TLL2: variants seen among roughly 807,000 people sequenced by gnomAD.
TLL2 encodes the protein tolloid-like protein 2.
Under a neutral mutation model 123.0 loss-of-function variants are expected in TLL2, and 106 were observed. The observed-to-expected ratio is 0.86, with a 90% CI of 0.74 to 1.01. The LOEUF (loss-of-function observed/expected upper bound fraction) is 1.01. Ranked by LOEUF, TLL2 falls within the 50% of genes least tolerant of loss-of-function variation. TLL2 has a pLI of 0.00. For synonymous variants in TLL2, 494 were observed against 516.8 expected (o/e 0.96, Z 0.60); for missense variants, 1,332 against 1,336.7 (o/e 1.00, Z 0.06).
rs1361620935 is a variant in TLL2, at chr10:96,413,275, T to C, written c.965A>G (p.Asn322Ser). Reference sequence around the variant, plus strand: ...CTGGCCAATGGTTGGCCTGACGCCATTGTCATCTTGACGGGGAAGGATGGT... The same window carrying C: ...CTGGCCAATGGTTGGCCTGACGCCACTGTCATCTTGACGGGGAAGGATGGT... ...LDTILPRQDD[N>S]GVRPTIGQRV... is the part of the protein sequence containing the mutation. The change falls in exon 8 of 21, where the codon AAT becomes AGT. Residue 322 changes from asparagine (N) to serine (S), a missense_variant. By Grantham distance (46) the Asn-to-Ser change is conservative. Coordinates refer to ENST00000357947, the MANE Select transcript of TLL2 (RefSeq NM_012465.4). The C allele has an allele frequency of 1.9e-6, 3 of 1,614,116 alleles. No individual in the cohort carries two copies. Among genetic ancestry groups the C allele is most frequent in the South Asian group, 1.1e-5 (1 of 91,086 alleles).
intron 2 of TLL2, among the ~76,000 whole-genome samples, chr10:96,472,928 T>C (rs561939381): frequency 1.5e-4 from 23 of 152,292 alleles, no homozygotes; most frequent in African/African-American, 5.3e-4. Context: ...GTTCAATGCC[T>C]ACCTTTAGCC....
chr10:96,506,402 G>A lies in TLL2; in HGVS notation c.175+7109C>T, dbSNP rs183041796. Among the ~76,000 whole-genome samples, 11 of 152,016 alleles carry A rather than the reference G, an allele frequency of 7.2e-5. No individual in the cohort carries two copies. The East Asian group carries it at 2.1e-3, about 29-fold the overall frequency. The stretch of plus-strand genomic sequence containing the variant: ...TCCACAGTCTGGGGAGGGGCCAGGT[G>A]CTCAAATAACCATAGTCCAGGCTGG... On this transcript the variant is annotated intron_variant, in intron 1 of 20. Transcript: ENST00000357947.
At chr10:96,506,954 A>G (rs975128914) in intron 1 of TLL2, among the ~76,000 whole-genome samples, 2 of 152,116 alleles carry the variant, frequency 1.3e-5, no homozygotes, top group African/African-American at 4.8e-5. Context: ...CAGGGAGAAA[A>G]TCTAGGCCTG....
intron 3 of TLL2, among the ~76,000 whole-genome samples, chr10:96,442,491 T>A (rs1353711175): frequency 6.6e-6 from 1 of 152,234 alleles, no homozygotes; most frequent in East Asian, 1.9e-4. Flanking sequence ...TGCCCTCACC[T>A]CACTTCGAGA....
chr10:96,446,149 T>C lies in TLL2; in HGVS notation c.306A>G (p.Ala102=), dbSNP rs1589424452. Reference sequence around the variant, plus strand: ...CTGTGGTGTCTGGGCTGCTCTCAGATGCCTGCTCTTCAAGCCCACCTAGAG... The same window carrying C: ...CTGTGGTGTCTGGGCTGCTCTCAGACGCCTGCTCTTCAAGCCCACCTAGAG... The part of the protein sequence containing the change: ...GHSTGGLEEQ[A]SESSPDTTAM... Residue 102 remains alanine, a synonymous_variant, in exon 3 of 21, where the codon GCA becomes GCG. Transcript: ENST00000357947. 2 of 1,614,138 alleles carry C rather than the reference T, an allele frequency of 1.2e-6. No homozygotes were observed. The highest frequency in any genetic ancestry group is 2.7e-5 in the African/African-American group (2 of 75,028).
chr10:96,464,209 C>T (rs1160687688), intron 2 of TLL2, among the ~76,000 whole-genome samples: 1 of 151,882 alleles, frequency 6.6e-6, no homozygotes, highest in Non-Finnish European at 1.5e-5. Flanking sequence ...CATGGTGAAA[C>T]CCCATCTCTA....
In TLL2 at chr10:96,396,050, C is replaced by T. The variant is rs777659724; in HGVS notation, c.1385-30G>A. Reference sequence around the variant, plus strand: ...AGAAAGAGACATCAGGAGAGGAAGACGGGGGCCCTGGTCAGATCTTACTTA... The same window carrying T: ...AGAAAGAGACATCAGGAGAGGAAGATGGGGGCCCTGGTCAGATCTTACTTA... On this transcript the variant is annotated intron_variant, in intron 11 of 20. Transcript: ENST00000357947. The T allele has an allele frequency of 1.8e-4, 288 of 1,611,526 alleles. 2 individuals are homozygous for T. The highest frequency in any genetic ancestry group is 3.7e-4 in the South Asian group (34 of 90,708).
At chr10:96,476,240 A>ATATTTTTTTTTTTT in intron 2 of TLL2, among the ~76,000 whole-genome samples, 8 of 20,454 alleles carry the variant, frequency 3.9e-4, no homozygotes, top group East Asian at 2.2e-3. Flanking sequence ...ATATATATAT[A>ATATTTTTTTTTTTT]TTTTATTTTT....
chr10:96,436,800 C>A (rs1301536081), intron 3 of TLL2, among the ~76,000 whole-genome samples: 3 of 152,026 alleles, frequency 2.0e-5, no homozygotes, highest in Non-Finnish European at 2.9e-5. Flanking sequence ...ATCCTCCCCC[C>A]TCACCCTCCC....
At chr10:96,411,274 A>C (rs1393695243) in intron 8 of TLL2, among the ~76,000 whole-genome samples, 1 of 51,108 alleles carries the variant, frequency 2.0e-5, no homozygotes, top group African/African-American at 6.0e-5. Context: ...AAAAAAAAAA[A>C]AAAAAAAAAA....
At chr10:96,470,699 G>A (rs1256229906) in intron 2 of TLL2, among the ~76,000 whole-genome samples, 2 of 152,156 alleles carry the variant, frequency 1.3e-5, no homozygotes, top group Non-Finnish European at 2.9e-5. Context: ...AAAGACTAGA[G>A]TCCTAATCTT....
intron 1 of TLL2, among the ~76,000 whole-genome samples, chr10:96,493,633 G>C (rs927761996): frequency 6.6e-6 from 1 of 152,118 alleles, no homozygotes; most frequent in Non-Finnish European, 1.5e-5. Context: ...ACGGGATCCT[G>C]AGGCTGTTAG....
intron 1 of TLL2, among the ~76,000 whole-genome samples, chr10:96,495,147 G>A (rs1371522149): frequency 6.6e-6 from 1 of 152,138 alleles, no homozygotes; most frequent in African/African-American, 2.4e-5. Context: ...TGTTCCATAA[G>A]ATAGTCACCT....
intron 2 of TLL2, among the ~76,000 whole-genome samples, chr10:96,465,148 T>C (rs937479852): frequency 3.3e-5 from 5 of 152,168 alleles, no homozygotes; most frequent in Non-Finnish European, 1.5e-5. Context: ...CCACCCCCTG[T>C]CCTTGACCTT....
intron 19 of TLL2, among the ~76,000 whole-genome samples, chr10:96,371,777 G>C (rs1425652065): frequency 6.6e-6 from 1 of 152,202 alleles, no homozygotes; most frequent in Non-Finnish European, 1.5e-5. Context: ...TCTGCTGCAG[G>C]TTCAGCCATG....
chr10:96,423,630 C>T (rs1043267583), intron 5 of TLL2, among the ~76,000 whole-genome samples: 2 of 152,136 alleles, frequency 1.3e-5, no homozygotes, highest in East Asian at 3.8e-4. Flanking sequence ...ATAAAAACAA[C>T]AGCAAATGAA....
chr10:96,467,259 G>A (rs990191294), intron 2 of TLL2, among the ~76,000 whole-genome samples: 15 of 152,028 alleles, frequency 9.9e-5, no homozygotes, highest in Admixed American at 2.0e-4. Flanking sequence ...GTGGCTCACC[G>A]CAGCCTGGAA....
At chr10:96,444,925 C>G (rs570142511) in intron 3 of TLL2, among the ~76,000 whole-genome samples, 9 of 152,230 alleles carry the variant, frequency 5.9e-5, no homozygotes, top group African/African-American at 1.7e-4. Flanking sequence ...TGCGGTGGCT[C>G]ACGCCTGTAA....
At chr10:96,394,572 C>A (rs1203289945) in intron 13 of TLL2, among the ~76,000 whole-genome samples, 1 of 152,196 alleles carries the variant, frequency 6.6e-6, no homozygotes, top group African/African-American at 2.4e-5. Flanking sequence ...TCCTCCCAAC[C>A]CCGATCATGT....
Sources: allele counts gnomAD v4.1 joint callset (sites outside exome capture counted in the v4.1 genomes callset), GRCh38; gene constraint gnomAD v4.1.1; transcripts MANE v1.5; gene names NCBI Gene and HGNC (gene_info 2026-07-23, HGNC 2026-07-21).